The following SLFN11 variants were observed in gnomAD, a reference collection of about 807,000 sequenced individuals.
SLFN11 encodes schlafen family member 11.
A neutral mutation model predicts 53.4 loss-of-function variants in SLFN11; 43 were observed. That is an observed-to-expected ratio of 0.80 (90% CI 0.63 to 1.04). The LOEUF (loss-of-function observed/expected upper bound fraction) is 1.04. Among genes scored for constraint, SLFN11 ranks in the 50% least tolerant of loss-of-function variants. SLFN11 has a pLI of 0.00. For synonymous variants in SLFN11, 389 were observed against 394.7 expected, an observed-to-expected ratio of 0.99 and a Z score of 0.17; for missense variants, 990 against 1,079.1, an observed-to-expected ratio of 0.92 and a Z score of 1.16.
In SLFN11 at chr17:35,363,652, A is replaced by T; in HGVS notation, c.156T>A (p.Ala52=). The T allele has an allele frequency of 6.2e-7, 1 of 1,613,878 alleles. No individual in the cohort carries two copies. Among genetic ancestry groups the T allele is most frequent in the Non-Finnish European group, 8.5e-7 (1 of 1,179,974 alleles). Residue 52 remains alanine, a synonymous_variant, in exon 4 of 7, where the codon GCT becomes GCA. Coordinates refer to ENST00000685675, the MANE Select transcript of SLFN11 (RefSeq NM_001376007.1). The stretch of plus-strand genomic sequence containing the variant: ...TCACTCCTCCTCCTGAGTTTAATAA[A>T]GCACATGCAGCCCGCATAACTCTCT... ...EKERVMRAAC[A]LLNSGGGVIR...
At chr17:35,368,750 G>C (rs1482678027) in intron 1 of SLFN11, among the ~76,000 whole-genome samples, 1 of 152,074 alleles carries the variant, frequency 6.6e-6, no homozygotes, top group Non-Finnish European at 1.5e-5. Flanking sequence ...TCCATTTGAG[G>C]AGAGAAGAGA....
intron 1 of SLFN11, among the ~76,000 whole-genome samples, chr17:35,372,745 C>T (rs1909845223): frequency 6.6e-6 from 1 of 151,810 alleles, no homozygotes; most frequent in Non-Finnish European, 1.5e-5. Context: ...TCTCATGTAA[C>T]CCATAAACAT....
chr17:35,360,094 C>T (rs2141954914), intron 5 of SLFN11, 149 bp downstream of exon 5: 1 of 780,364 alleles, frequency 1.3e-6, no homozygotes, highest in Non-Finnish European at 2.0e-6. Context: ...TTCTAAACCA[C>T]TTATCACCAA....
Position 35,351,228 on chromosome 17 carries a change from G to T in SLFN11, c.*1128C>A, listed in dbSNP as rs1047252. 2.0e-5 allele frequency: 3 copies of T among 152,268 alleles called. No individual in the cohort carries two copies. The highest frequency in any genetic ancestry group is 7.2e-5 in the African/African-American group (3 of 41,446). 9.4% of individuals were successfully genotyped at this position (152,268 alleles called of 1,614,324 possible). A position where few individuals can be genotyped will look rare whatever the true frequency, so the allele number is the denominator to read the frequency against. ...CCTCTTGTTTGCATGCACAGGGAGGGAGGGAACAAGCTCTCTGGGGTCTCT... is the reference window on the plus strand; with the variant it reads ...CCTCTTGTTTGCATGCACAGGGAGGTAGGGAACAAGCTCTCTGGGGTCTCT... On this transcript the variant is annotated 3_prime_UTR_variant, in exon 7 of 7. Coordinates refer to ENST00000685675, the MANE Select transcript of SLFN11 (RefSeq NM_001376007.1).
Position 35,369,011 on chromosome 17 carries a change from G to A in SLFN11, c.-234-1311C>T, listed in dbSNP as rs113294786. Among the ~76,000 whole-genome samples the A allele has an allele frequency of 6.3e-3, 957 of 152,034 alleles. 15 individuals are homozygous for A. The highest frequency in any genetic ancestry group is 0.021 in the African/African-American group (886 of 41,486). On this transcript the variant is annotated intron_variant, in intron 1 of 6. Transcript: ENST00000685675. The stretch of plus-strand genomic sequence containing the variant: ...AGCAACGATACCCAGGTAATATGCC[G>A]TGGGTCTTGGGTGAGACTCTGCTGG...
chr17:35,353,183 C>A (rs1906976067), intron 6 of SLFN11, 44 bp from the exon 7 acceptor site: 1 of 1,595,508 alleles, frequency 6.3e-7, no homozygotes, highest in South Asian at 1.1e-5. Flanking sequence ...TCTAAAAAAA[C>A]AAGGGGAGAA....
chr17:35,360,216 G>A, intron 5 of SLFN11, 27 bp downstream of exon 5: 1 of 1,596,996 alleles, frequency 6.3e-7, no homozygotes, highest in Non-Finnish European at 8.5e-7. Context: ...GAAACTGGCT[G>A]GTGTTGAGAA....
At chr17:35,363,928 C>G (rs1338095776) in intron 3 of SLFN11, 102 bp from the exon 4 acceptor site, 1 of 903,036 alleles carries the variant, frequency 1.1e-6, no homozygotes, top group African/African-American at 1.7e-5. Flanking sequence ...GACTAGCAAG[C>G]AAGACAGGAG....
In SLFN11 at chr17:35,352,521, A is replaced by G. The variant is rs767716513; in HGVS notation, c.2541T>C (p.Asp847=). 1 of 1,614,172 alleles carries G rather than the reference A, an allele frequency of 6.2e-7. No individual in the cohort carries two copies. The highest frequency in any genetic ancestry group is 2.2e-5 in the East Asian group (1 of 44,890). The change falls in exon 7 of 7, where the codon GAT becomes GAC. Residue 847 remains aspartate, a synonymous_variant. Transcript: ENST00000685675. Reference sequence around the variant, plus strand: ...GCCGAACACTGTCCAACACAATGTGATCACCCAACATATCACATGCATCAC... The same window carrying G: ...GCCGAACACTGTCCAACACAATGTGGTCACCCAACATATCACATGCATCAC... The part of the protein sequence containing the change: ...QLSDACDMLG[D]HIVLDSVRRF...
chr17:35,362,575 C>G (rs1052195737), intron 4 of SLFN11, among the ~76,000 whole-genome samples, 164 bp downstream of exon 4: 3 of 151,912 alleles, frequency 2.0e-5, no homozygotes, highest in Non-Finnish European at 4.4e-5. Flanking sequence ...TCTAATCACC[C>G]AACAAAATTT....
rs910419416 is a variant in SLFN11 at position 35,366,998 on chromosome 17, C to T, written c.-71G>A. 6.7e-6 allele frequency: 1 copy of T among 150,354 alleles called. No homozygotes were observed. Among genetic ancestry groups the T allele is most frequent in the African/African-American group, 2.5e-5 (1 of 40,780 alleles). The allele number at this position is 150,354 out of a possible 1,614,324, so 9.3% of individuals were successfully genotyped here. On this transcript the variant is annotated 5_prime_UTR_variant, in exon 3 of 7. Transcript: ENST00000685675. ...GAGGTGAGAGAATCACCTGAGCCTTCGAGACGAGATTGTGGTGAACCAAGA... is the reference window on the plus strand; with the variant it reads ...GAGGTGAGAGAATCACCTGAGCCTTTGAGACGAGATTGTGGTGAACCAAGA...
rs1181711182 is a variant in SLFN11, at chr17:35,351,647, AG to A, written c.*708del. 6.6e-6 allele frequency: 1 copy of A among 152,198 alleles called. No homozygotes were observed. The highest frequency in any genetic ancestry group is 1.5e-5 in the Non-Finnish European group (1 of 68,042). The allele number at this position is 152,198 out of a possible 1,614,324, so 9.4% of individuals were successfully genotyped here. On this transcript the variant is annotated 3_prime_UTR_variant, in exon 7 of 7. Coordinates refer to ENST00000685675, the MANE Select transcript of SLFN11 (RefSeq NM_001376007.1). ...TCTTCCACTGAAAGCCAGGGCAAAC[AG>A]GTTTATGTTCATTTCATCTTGGCCT... is the stretch of plus-strand genomic sequence containing the variant.
At position 35,368,509 on chromosome 17, in the gene SLFN11, C is replaced by T. The variant is rs374981896; in HGVS notation, c.-234-809G>A. Among the ~76,000 whole-genome samples the T allele has an allele frequency of 1.3e-4, 20 of 152,202 alleles. No individual in the cohort carries two copies. The South Asian group carries it at 2.9e-3, about 22-fold the overall frequency. ...TTGAAACCTGAGTTTCAGCAAGCCT[C>T]GCCACTGTAGCTGAAGTGCTAGGGG... On this transcript the variant is annotated intron_variant, in intron 1 of 6. Coordinates refer to ENST00000685675, the MANE Select transcript of SLFN11 (RefSeq NM_001376007.1).
Position 35,352,576 on chromosome 17 carries a change from G to A in SLFN11, c.2486C>T (p.Ala829Val). The change falls in exon 7 of 7, where the codon GCA (alanine) becomes GTA (valine). Residue 829 changes from alanine (A) to valine (V), a missense_variant. Ala to Val is a moderately conservative substitution (Grantham distance 64). Around this residue, in one of 3 missense-constraint regions of SLFN11, gnomAD observed 313 missense variants for 320.9 expected, o/e 0.98. Coordinates refer to ENST00000685675, the MANE Select transcript of SLFN11 (RefSeq NM_001376007.1). ...VEHYKYELLK[A>V]MRKKRVVQLS... ...CTGCACCACCCTTTTCTTCCTCATTGCTTTCAAGAGCTCATACTTATAGTG... is the reference window on the plus strand; with the variant it reads ...CTGCACCACCCTTTTCTTCCTCATTACTTTCAAGAGCTCATACTTATAGTG... The A allele has an allele frequency of 6.2e-7, 1 of 1,614,144 alleles. No homozygotes were observed. The highest frequency in any genetic ancestry group is 8.5e-7 in the Non-Finnish European group (1 of 1,180,040).
At position 35,352,512 on chromosome 17, in the gene SLFN11, C is replaced by A; in HGVS notation, c.2550G>T (p.Val850=). ...DACDMLGDHI[V]LDSVRRFSGL... is the part of the protein sequence containing the mutation. ...CTGAGAATCGCCGAACACTGTCCAA[C>A]ACAATGTGATCACCCAACATATCAC... Residue 850 remains valine, a synonymous_variant, in exon 7 of 7, where the codon GTG becomes GTT. Coordinates refer to ENST00000685675, the MANE Select transcript of SLFN11 (RefSeq NM_001376007.1). The A allele has an allele frequency of 5.6e-6, 9 of 1,614,222 alleles. No individual in the cohort carries two copies. Among genetic ancestry groups the A allele is most frequent in the Non-Finnish European group, 7.6e-6 (9 of 1,180,044 alleles).
intron 4 of SLFN11, among the ~76,000 whole-genome samples, chr17:35,362,131 A>G (rs1418059791): frequency 6.6e-6 from 1 of 152,090 alleles, no homozygotes; most frequent in African/African-American, 2.4e-5. Flanking sequence ...GCCAACTGCC[A>G]GTTTCTGTTT....
chr17:35,363,124 T>C lies in SLFN11; in HGVS notation c.684A>G (p.Lys228=), dbSNP rs1908460985. The part of the protein sequence containing the change: ...FSTKHFQEYV[K]RTIPEYVPAF... ...CAGGGACGTATTCTGGAATTGTCCT[T>C]TTTACATATTCTTGGAAGTGTTTTG... The change falls in exon 4 of 7, where the codon AAA becomes AAG. Residue 228 remains lysine, a synonymous_variant. Transcript: ENST00000685675. The C allele has an allele frequency of 1.2e-6, 2 of 1,613,774 alleles. 1 individual carries two copies. The highest frequency in any genetic ancestry group is 2.7e-5 in the African/African-American group (2 of 74,990).
At position 35,360,374 on chromosome 17, in the gene SLFN11, T is replaced by G; in HGVS notation, c.1070-3A>C. On this transcript the variant is annotated splice_polypyrimidine_tract_variant and splice_region_variant and intron_variant, in intron 4 of 6. Coordinates refer to ENST00000685675, the MANE Select transcript of SLFN11 (RefSeq NM_001376007.1). ...ATCTTCAGACAACTGTAGAAGATCTTAAGAAAGAAAATTCATGTTATTCTG... is the reference window on the plus strand; with the variant it reads ...ATCTTCAGACAACTGTAGAAGATCTGAAGAAAGAAAATTCATGTTATTCTG... 1 of 1,595,804 alleles carries G rather than the reference T, an allele frequency of 6.3e-7. No homozygotes were observed. Among genetic ancestry groups the G allele is most frequent in the Non-Finnish European group, 8.5e-7 (1 of 1,174,666 alleles).
chr17:35,353,327 A>G lies in SLFN11; in HGVS notation c.1922+9T>C. 3 of 1,613,844 alleles carry G rather than the reference A, an allele frequency of 1.9e-6. No individual in the cohort carries two copies. The highest frequency in any genetic ancestry group is 2.5e-6 in the Non-Finnish European group (3 of 1,179,918). On this transcript the variant is annotated intron_variant, in intron 6 of 6. Transcript: ENST00000685675. ...ATAATACTTAGAGACGTAAGATCCA[A>G]CTGCTTACCTGATAAAGTTCCTCAG...
Sources: gnomAD v4.1 joint callset for allele counts (sites outside exome capture counted in the v4.1 genomes callset) on GRCh38, gnomAD v4.1.1 for gene constraint, gnomAD v4.1.1 regional missense constraint, MANE v1.5 for transcripts, NCBI Gene and HGNC (gene_info 2026-07-23, HGNC 2026-07-21) for gene names.